Variants in AFF3 observed in about 807,000 individuals in gnomAD.
AFF3 encodes AF4/FMR2 family member 3.
AFF3 carries 32 observed loss-of-function variants against 129.7 expected under a neutral mutation model. The observed-to-expected ratio is 0.25, with a 90% confidence interval of 0.19 to 0.33. The LOEUF is 0.33. AFF3 is among the 10% of genes least tolerant of loss of function. The probability of loss-of-function intolerance (pLI) is 1.00; values close to 1 mark genes in which losing one functional copy is unlikely to be tolerated. For missense variants in AFF3, 1,373 were observed against 1,592.0 expected, an observed-to-expected ratio of 0.86 and a Z score of 2.34; for synonymous variants, 644 against 635.4, an observed-to-expected ratio of 1.01 and a Z score of -0.20.
intron 8 of AFF3, among the ~76,000 whole-genome samples, chr2:99,776,639 G>A (rs181046147): frequency 6.6e-6 from 1 of 152,318 alleles, no homozygotes; most frequent in African/African-American, 2.4e-5. Flanking sequence ...ACAATGGAGA[G>A]GGAACTGGCA....
At chr2:99,643,055 A>ATTTTTTTTT (rs34572652) in intron 13 of AFF3, among the ~76,000 whole-genome samples, 5 of 100,864 alleles carry the variant, frequency 5.0e-5, no homozygotes, top group African/African-American at 7.9e-5. Flanking sequence ...TACTTAAAAG[A>ATTTTTTTTT]TTTTTTTTTT....
chr2:99,652,621 G>A (rs1051084977), intron 12 of AFF3, among the ~76,000 whole-genome samples: 3 of 152,128 alleles, frequency 2.0e-5, no homozygotes, highest in Admixed American at 2.0e-4. Context: ...TTGAGCCGGG[G>A]TTGGAGAGTC....
chr2:99,711,508 G>T (rs115796452), intron 11 of AFF3, among the ~76,000 whole-genome samples: 16 of 152,274 alleles, frequency 1.1e-4, no homozygotes, highest in African/African-American at 3.9e-4. Context: ...AGGCATGCGG[G>T]TGCAAAGAGA....
chr2:99,745,548 T>G (rs1558809407), intron 9 of AFF3, among the ~76,000 whole-genome samples: 1 of 152,192 alleles, frequency 6.6e-6, no homozygotes, highest in African/African-American at 2.4e-5. Flanking sequence ...CTCATGCCAC[T>G]GACCTATTAT....
chr2:99,703,940 G>T (rs1677114355), intron 11 of AFF3, among the ~76,000 whole-genome samples: 1 of 152,194 alleles, frequency 6.6e-6, no homozygotes, highest in Non-Finnish European at 1.5e-5. Context: ...TTCCTTAGGG[G>T]TTGTTCTAAG....
At chr2:99,574,045 C>T (rs992900845) in intron 18 of AFF3, among the ~76,000 whole-genome samples, 1 of 152,202 alleles carries the variant, frequency 6.6e-6, no homozygotes, top group African/African-American at 2.4e-5. Flanking sequence ...CAATTTTCCC[C>T]AGCCAAGAAT....
At chr2:99,866,752 G>A (rs951055023) in intron 7 of AFF3, among the ~76,000 whole-genome samples, 13 of 151,892 alleles carry the variant, frequency 8.6e-5, no homozygotes, top group African/African-American at 2.9e-4. Flanking sequence ...CGAGGCAGGC[G>A]GATCACCTGA....
intron 4 of AFF3, among the ~76,000 whole-genome samples, chr2:100,028,344 T>C (rs2104933162): frequency 6.6e-6 from 1 of 152,300 alleles, no homozygotes; most frequent in African/African-American, 2.4e-5. Context: ...GATTTATGTG[T>C]ATGAATTTCC....
In AFF3 at chr2:99,551,286, C is replaced by T. The variant is rs972079970; in HGVS notation, c.*188G>A. 6.8e-6 allele frequency: 5 copies of T among 732,292 alleles called. No homozygotes were observed. Among genetic ancestry groups the T allele is most frequent in the Non-Finnish European group, 1.1e-5 (5 of 457,350 alleles). 45.4% of individuals were successfully genotyped at this position (732,292 alleles called of 1,614,324 possible). A position where few individuals can be genotyped will look rare whatever the true frequency, so the allele number is the denominator to read the frequency against. On this transcript the variant is annotated 3_prime_UTR_variant, in exon 25 of 25. Transcript: ENST00000672756. ...AAGAGCTGTGTATCTTACACACATA[C>T]ACAGGCGGCTTCTTATATACCCACA...
chr2:99,996,993 TTCTTC>T (rs1680904298), intron 7 of AFF3, among the ~76,000 whole-genome samples: 1 of 152,078 alleles, frequency 6.6e-6, no homozygotes, highest in African/African-American at 2.4e-5. Context: ...TACTGATCCC[TTCTTC>T]TCTTTTCTGC....
At chr2:100,008,508 T>C (rs1023925555) in intron 5 of AFF3, among the ~76,000 whole-genome samples, 1 of 134,702 alleles carries the variant, frequency 7.4e-6, no homozygotes, top group African/African-American at 3.7e-5. Context: ...ACAAATGGGA[T>C]TGACCTTATA....
At chr2:99,885,924 G>C (rs943720114) in intron 7 of AFF3, among the ~76,000 whole-genome samples, 1 of 152,162 alleles carries the variant, frequency 6.6e-6, no homozygotes, top group African/African-American at 2.4e-5. Context: ...CCATAAGAGA[G>C]GCTTACCTGT....
At chr2:99,875,542 T>C (rs540612778) in intron 7 of AFF3, among the ~76,000 whole-genome samples, 15 of 152,282 alleles carry the variant, frequency 9.9e-5, no homozygotes, top group African/African-American at 3.6e-4. Flanking sequence ...GCTTGGAACA[T>C]TGTAGGCACG....
chr2:99,644,163 C>T (rs1328541429), intron 13 of AFF3, among the ~76,000 whole-genome samples: 1 of 152,250 alleles, frequency 6.6e-6, no homozygotes, highest in Non-Finnish European at 1.5e-5. Context: ...GCCTGAGATA[C>T]TGCCAGATGG....
chr2:99,963,030 C>A (rs78285224), intron 7 of AFF3, among the ~76,000 whole-genome samples: 16,517 of 151,736 alleles, frequency 0.11, 1,137 homozygotes, highest in Middle Eastern at 0.16. Context: ...GAAGAAAAAA[C>A]CTTAAAAGCA....
chr2:99,778,085 G>A (rs1684086229), intron 8 of AFF3, among the ~76,000 whole-genome samples: 1 of 150,370 alleles, frequency 6.7e-6, no homozygotes, highest in African/African-American at 2.4e-5. Flanking sequence ...CAGTTGGTTT[G>A]TTCCAGGCCT....
intron 8 of AFF3, among the ~76,000 whole-genome samples, chr2:99,761,605 G>T (rs1682602765): frequency 6.6e-6 from 1 of 152,228 alleles, no homozygotes; most frequent in Non-Finnish European, 1.5e-5. Context: ...AACAAAAATA[G>T]AATTTTAGCC....
chr2:99,638,675 G>A lies in AFF3; in HGVS notation c.1184+10951C>T, dbSNP rs940270203. On this transcript the variant is annotated intron_variant, in intron 13 of 24. Coordinates refer to ENST00000672756, the MANE Select transcript of AFF3 (RefSeq NM_001386135.1). ...ACCTCAAACCCAGGAAAGAGAACAT[G>A]GGATTCCCAGCCCAGGCCTATGAGA... is the stretch of plus-strand genomic sequence containing the variant. Among the ~76,000 whole-genome samples, 7 of 152,282 alleles carry A rather than the reference G, an allele frequency of 4.6e-5. No individual in the cohort carries two copies. In the East Asian group the frequency reaches 1.3e-3, roughly 29 times the overall value.
At chr2:99,974,669 G>A (rs868357646) in intron 7 of AFF3, among the ~76,000 whole-genome samples, 5 of 152,184 alleles carry the variant, frequency 3.3e-5, no homozygotes, top group Admixed American at 1.3e-4. Flanking sequence ...TACTGTTCCC[G>A]CAGCAGTGAA....
Sources: gnomAD v4.1 joint callset for allele counts (sites outside exome capture counted in the v4.1 genomes callset) on GRCh38, gnomAD v4.1.1 for gene constraint, MANE v1.5 for transcripts, NCBI Gene and HGNC (gene_info 2026-07-23, HGNC 2026-07-21) for gene names.